SPHKAP: variants seen among roughly 807,000 people sequenced by gnomAD.
SPHKAP encodes SPHK1 interactor, AKAP domain containing, also known as A-kinase anchor protein SPHKAP.
In SPHKAP, 67 loss-of-function variants were observed where a neutral mutation model predicts 137.5. The ratio of observed to expected loss-of-function variants is 0.49; its 90% CI spans 0.40 to 0.60. The LOEUF (loss-of-function observed/expected upper bound fraction) is 0.60, where lower values mean the gene tolerates loss of function less well. Among genes scored for constraint, SPHKAP ranks in the 20% least tolerant of loss-of-function variants. SPHKAP has a pLI of 0.00. For missense variants in SPHKAP, 2,097 were observed against 2,069.3 expected, an observed-to-expected ratio of 1.01 and a Z score of -0.26; for synonymous variants, 813 against 785.3, an observed-to-expected ratio of 1.04 and a Z score of -0.59.
intron 1 of SPHKAP, among the ~76,000 whole-genome samples, chr2:228,163,709 C>G (rs992499291): frequency 1.4e-4 from 22 of 152,178 alleles, no homozygotes; most frequent in Non-Finnish European, 1.0e-4. Flanking sequence ...TTGGGATAGT[C>G]TGGGTTGCCT....
intron 3 of SPHKAP, among the ~76,000 whole-genome samples, chr2:228,089,802 G>A (rs1004548543): frequency 6.6e-6 from 1 of 152,138 alleles, no homozygotes; most frequent in Non-Finnish European, 1.5e-5. Flanking sequence ...TGTAAGCCTT[G>A]GCAGCTTCCA....
intron 3 of SPHKAP, among the ~76,000 whole-genome samples, chr2:228,037,734 A>G (rs192716735): frequency 1.3e-5 from 2 of 152,330 alleles, no homozygotes. Flanking sequence ...AAAATATCTT[A>G]CTTTGAATAT....
At chr2:228,036,695 A>G (rs1236035569) in intron 3 of SPHKAP, among the ~76,000 whole-genome samples, 1 of 152,156 alleles carries the variant, frequency 6.6e-6, no homozygotes, top group African/African-American at 2.4e-5. Flanking sequence ...ATGGAATACT[A>G]TGCAGCCATA....
At chr2:228,096,862 A>C (rs1320252955) in intron 3 of SPHKAP, among the ~76,000 whole-genome samples, 6 of 152,210 alleles carry the variant, frequency 3.9e-5, no homozygotes, top group African/African-American at 1.2e-4. Context: ...TTTTTACAAA[A>C]GAAAGAAATC....
At chr2:228,179,185 A>C (rs1700826017) in intron 1 of SPHKAP, among the ~76,000 whole-genome samples, 1 of 152,190 alleles carries the variant, frequency 6.6e-6, no homozygotes, top group African/African-American at 2.4e-5. Flanking sequence ...TAAGAGAAAC[A>C]GTGATTTATA....
At chr2:228,012,479 C>T (rs1168048758) in intron 7 of SPHKAP, among the ~76,000 whole-genome samples, 1 of 152,066 alleles carries the variant, frequency 6.6e-6, no homozygotes, top group Non-Finnish European at 1.5e-5. Context: ...CATCTCAATG[C>T]CAACATCCTA....
chr2:228,042,134 C>T (rs1010117757), intron 3 of SPHKAP, among the ~76,000 whole-genome samples: 4 of 152,162 alleles, frequency 2.6e-5, no homozygotes, highest in African/African-American at 9.7e-5. Context: ...AATGGAGCAT[C>T]ACAGGTACTG....
At chr2:227,989,529 C>T (rs114585339) in intron 11 of SPHKAP, among the ~76,000 whole-genome samples, 213 of 152,220 alleles carry the variant, frequency 1.4e-3, no homozygotes, top group African/African-American at 4.7e-3. Context: ...GCCCTTATTA[C>T]GCTACCTTAT....
Position 228,181,476 on chromosome 2 carries a change from G to A in SPHKAP, c.32+91C>T, listed in dbSNP as rs1436821957. On this transcript the variant is annotated intron_variant, in intron 1 of 11. Coordinates refer to ENST00000392056, the MANE Select transcript of SPHKAP (RefSeq NM_001142644.2). The surrounding 1 kb of genome is among the most constrained non-coding windows in gnomAD (Gnocchi z 4.3). ...CCTCGCTGGGAGCCCCGTGCAAACCGAAGCGCTCTGGGGCAAGTTGGTGAG... is the reference window on the plus strand; with the variant it reads ...CCTCGCTGGGAGCCCCGTGCAAACCAAAGCGCTCTGGGGCAAGTTGGTGAG... 1 of 1,586,228 alleles carries A rather than the reference G, an allele frequency of 6.3e-7. No individual in the cohort carries two copies. Among genetic ancestry groups the A allele is most frequent in the East Asian group, 2.2e-5 (1 of 44,674 alleles).
chr2:228,093,873 A>C (rs1016963684), intron 3 of SPHKAP, among the ~76,000 whole-genome samples: 45 of 148,690 alleles, frequency 3.0e-4, no homozygotes, highest in Middle Eastern at 6.8e-3. Flanking sequence ...AAAAAAAAAA[A>C]AAAAAAAAAA....
intron 1 of SPHKAP, among the ~76,000 whole-genome samples, chr2:228,144,136 C>T (rs558359786): frequency 4.5e-4 from 68 of 152,278 alleles, no homozygotes; most frequent in African/African-American, 1.5e-3. Flanking sequence ...AATGAGACTT[C>T]CTCTGACTCC....
At chr2:227,996,261 C>T in intron 7 of SPHKAP, 1 of 289,500 alleles carries the variant, frequency 3.5e-6, no homozygotes, top group Non-Finnish European at 5.1e-6. Context: ...TGTATTTTAC[C>T]CTATCTCCTC....
chr2:227,982,642 G>A (rs1305585185), intron 11 of SPHKAP, among the ~76,000 whole-genome samples: 3 of 152,288 alleles, frequency 2.0e-5, no homozygotes, highest in South Asian at 4.1e-4. Context: ...TGAAAGCCAG[G>A]AACTGTAGGA....
intron 2 of SPHKAP, chr2:228,131,311 T>C (rs1409011519): frequency 4.1e-6 from 4 of 985,030 alleles, no homozygotes; most frequent in Non-Finnish European, 4.8e-6. Flanking sequence ...AAACATATAC[T>C]TCCCTGGAAT....
At chr2:228,041,240 CTAAGTT>C (rs1193804070) in intron 3 of SPHKAP, among the ~76,000 whole-genome samples, 6 of 152,040 alleles carry the variant, frequency 3.9e-5, no homozygotes, top group Non-Finnish European at 8.8e-5. Flanking sequence ...ACACTAGACT[CTAAGTT>C]TAAGGCAGAT....
chr2:228,061,185 C>T (rs978912037), intron 3 of SPHKAP, among the ~76,000 whole-genome samples: 1 of 152,134 alleles, frequency 6.6e-6, no homozygotes, highest in African/African-American at 2.4e-5. Flanking sequence ...GACAAGTATA[C>T]GTGAGGGATG....
At chr2:228,032,944 C>T (rs554542630) in intron 3 of SPHKAP, among the ~76,000 whole-genome samples, 4 of 152,232 alleles carry the variant, frequency 2.6e-5, no homozygotes, top group South Asian at 2.1e-4. Flanking sequence ...TAAAGACCAT[C>T]GAGGCTAGGA....
intron 3 of SPHKAP, among the ~76,000 whole-genome samples, chr2:228,053,092 G>T (rs1479676741): frequency 6.6e-6 from 1 of 152,120 alleles, no homozygotes; most frequent in Admixed American, 6.5e-5. Flanking sequence ...TCCTGCTGAA[G>T]GCTCTCTTTC....
chr2:228,091,429 A>T (rs1288549499), intron 3 of SPHKAP, among the ~76,000 whole-genome samples: 1 of 152,234 alleles, frequency 6.6e-6, no homozygotes, highest in East Asian at 1.9e-4. Flanking sequence ...GACTTAGTTA[A>T]ACTAAAGTAC....
Sources: gnomAD v4.1 joint callset for allele counts (sites outside exome capture counted in the v4.1 genomes callset) on GRCh38, gnomAD v4.1.1 for gene constraint, Gnocchi (gnomAD v3.1) non-coding constraint, MANE v1.5 for transcripts, NCBI Gene and HGNC (gene_info 2026-07-23, HGNC 2026-07-21) for gene names.